PDZD2: variants seen among roughly 807,000 people sequenced by gnomAD.
PDZD2 encodes PDZ domain-containing protein 2.
A neutral mutation model predicts 220.7 loss-of-function variants in PDZD2; 90 were observed. The ratio of observed to expected loss-of-function variants is 0.41; its 90% CI spans 0.34 to 0.49. The LOEUF is 0.49. Ranked by LOEUF, PDZD2 falls within the 20% of genes least tolerant of loss-of-function variation. The probability of loss-of-function intolerance (pLI) is 0.28; values close to 1 mark genes in which losing one functional copy is unlikely to be tolerated. For missense variants in PDZD2, 3,174 were observed against 3,608.5 expected (o/e 0.88, Z 3.08); for synonymous variants, 1,375 against 1,450.5 (o/e 0.95, Z 1.18).
chr5:31,804,201 G>A (rs988214246), intron 2 of PDZD2, among the ~76,000 whole-genome samples: 3 of 152,144 alleles, frequency 2.0e-5, no homozygotes, highest in Non-Finnish European at 4.4e-5. Context: ...TGTGCTAGAC[G>A]ATGAAAAGCC....
At position 32,097,249 on chromosome 5, in the gene PDZD2, CAA is replaced by C. The variant is rs763170916; in HGVS notation, c.7846-28_7846-27del. 4.2e-6 allele frequency: 6 copies of C among 1,432,502 alleles called. No individual in the cohort carries two copies. The East Asian group carries it at 1.4e-4, about 33-fold the overall frequency. The allele number at this position is 1,432,502 out of a possible 1,614,324, so 88.7% of individuals were successfully genotyped here. On this transcript the variant is annotated intron_variant, in intron 21 of 24. Transcript: ENST00000438447. ...TTCTTAATTTTTTGCAGCTGTAGCTCAAAGGATAATTTTTGTTTGTTTTCACT... is the reference window on the plus strand; with the variant it reads ...TTCTTAATTTTTTGCAGCTGTAGCTCAGGATAATTTTTGTTTGTTTTCACT...
intron 8 of PDZD2, 81 bp downstream of exon 8, chr5:32,048,765 AGTGTCTGG>A (rs1738230455): frequency 7.1e-7 from 1 of 1,410,494 alleles, no homozygotes; most frequent in Non-Finnish European, 9.9e-7. Flanking sequence ...ACAGGCCAGG[AGTGTCTGG>A]GGCTAGAGAA....
intron 1 of PDZD2, among the ~76,000 whole-genome samples, chr5:31,774,968 C>A (rs1481726881): frequency 6.6e-6 from 1 of 152,164 alleles, no homozygotes; most frequent in African/African-American, 2.4e-5. Flanking sequence ...TGTAAACACT[C>A]CCACCATGGC....
At chr5:31,910,800 G>A (rs1743132683) in intron 2 of PDZD2, among the ~76,000 whole-genome samples, 1 of 152,070 alleles carries the variant, frequency 6.6e-6, no homozygotes, top group African/African-American at 2.4e-5. Flanking sequence ...AAAGTGCCGG[G>A]ATTACAGGCA....
At chr5:31,922,567 T>C (rs955891907) in intron 2 of PDZD2, among the ~76,000 whole-genome samples, 4 of 152,156 alleles carry the variant, frequency 2.6e-5, no homozygotes, top group African/African-American at 9.7e-5. Flanking sequence ...CTGTTAAGCT[T>C]ATGGAAGAGC....
In PDZD2 at chr5:32,090,065, C is replaced by G. The variant is rs778216663; in HGVS notation, c.6617C>G (p.Pro2206Arg). 6.2e-7 allele frequency: 1 copy of G among 1,613,536 alleles called. No individual in the cohort carries two copies. The highest frequency in any genetic ancestry group is 8.5e-7 in the Non-Finnish European group (1 of 1,179,928). Residue 2206 changes from proline (P) to arginine (R), a missense_variant, in exon 20 of 25, where the codon CCC (proline) becomes CGC (arginine). Coordinates refer to ENST00000438447, the MANE Select transcript of PDZD2 (RefSeq NM_178140.4). This position sits in a 1 kb window ranked among gnomAD's most constrained non-coding sequence, Gnocchi z 4.3. ...CCCAGAAACAGCATTCCAGGGGGCC[C>G]CTCGGGGGAGGACCATCTCTACTTC... ...GVPRNSIPGG[P>R]SGEDHLYFTP...
chr5:32,067,508 G>A (rs932842822), intron 14 of PDZD2, among the ~76,000 whole-genome samples: 11 of 151,990 alleles, frequency 7.2e-5, no homozygotes, highest in East Asian at 1.9e-4. Flanking sequence ...GAAGCCTACC[G>A]TAAAGCATTA....
chr5:31,866,902 A>G (rs1286102802), intron 2 of PDZD2, among the ~76,000 whole-genome samples: 1 of 152,192 alleles, frequency 6.6e-6, no homozygotes, highest in African/African-American at 2.4e-5. Context: ...AAGGAACTGA[A>G]ATAATAGAAT....
chr5:32,073,737 G>A lies in PDZD2; in HGVS notation c.2726-95G>A. ...CTGTGTGTCTGGTGTTAGTGAATGT[G>A]GAAATGCTTATGTGTAATGATGGGG... On this transcript the variant is annotated intron_variant, in intron 17 of 24. Coordinates refer to ENST00000438447, the MANE Select transcript of PDZD2 (RefSeq NM_178140.4). The A allele has an allele frequency of 3.8e-6, 3 of 795,906 alleles. No individual in the cohort carries two copies. In the East Asian group the frequency reaches 7.3e-5, roughly 19 times the overall value. The allele number at this position is 795,906 out of a possible 1,614,324, so 49.3% of individuals were successfully genotyped here.
chr5:31,768,421 T>C (rs1183022251), intron 1 of PDZD2, among the ~76,000 whole-genome samples: 1 of 151,890 alleles, frequency 6.6e-6, no homozygotes, highest in Non-Finnish European at 1.5e-5. Flanking sequence ...GGTGGGTGGA[T>C]CACAAGGTCA....
At chr5:31,678,905 C>T (rs67936133) in intron 1 of PDZD2, among the ~76,000 whole-genome samples, 28,751 of 152,052 alleles carry the variant, frequency 0.19, 2,839 homozygotes, top group Middle Eastern at 0.22. Flanking sequence ...CCATGCCCAG[C>T]CTATATTTCT....
chr5:32,096,041 C>T (rs763271943), intron 21 of PDZD2, among the ~76,000 whole-genome samples: 2 of 151,904 alleles, frequency 1.3e-5, no homozygotes, highest in African/African-American at 2.4e-5. Flanking sequence ...CCGCACCCGG[C>T]GTAGGAGGCC....
At chr5:31,767,437 T>C (rs1752093533) in intron 1 of PDZD2, among the ~76,000 whole-genome samples, 1 of 152,238 alleles carries the variant, frequency 6.6e-6, no homozygotes, top group African/African-American at 2.4e-5. Context: ...TGTCTGCCAA[T>C]GGTCACCCGT....
intron 2 of PDZD2, among the ~76,000 whole-genome samples, chr5:31,810,438 ATAT>A (rs1755034944): frequency 1.3e-5 from 2 of 151,910 alleles, no homozygotes; most frequent in Non-Finnish European, 2.9e-5. Context: ...AAATTTTTGT[ATAT>A]TTTTTAGTAG....
chr5:31,861,897 A>G (rs6450868), intron 2 of PDZD2, among the ~76,000 whole-genome samples: 79,033 of 151,844 alleles, frequency 0.52, 20,802 homozygotes, highest in Non-Finnish European at 0.56. Context: ...TGACTCAAGT[A>G]GCAATGATGT....
Position 32,037,230 on chromosome 5 carries a change from G to C in PDZD2, c.1408-1G>C. The C allele has an allele frequency of 1.2e-6, 2 of 1,606,584 alleles. No individual in the cohort carries two copies. Among genetic ancestry groups the C allele is most frequent in the Non-Finnish European group, 1.7e-6 (2 of 1,173,086 alleles). ...TCAGCTCTGTGCTTTCTGCATTTCA[G>C]ATGCCTGGGACAGATGAACCCCAAG... On this transcript the variant is annotated splice_acceptor_variant, in intron 6 of 24. Coordinates refer to ENST00000438447, the MANE Select transcript of PDZD2 (RefSeq NM_178140.4). LOFTEE classifies it high-confidence loss of function.
intron 1 of PDZD2, among the ~76,000 whole-genome samples, chr5:31,790,839 C>T (rs1182300296): frequency 6.6e-6 from 1 of 151,576 alleles, no homozygotes; most frequent in African/African-American, 2.4e-5. Context: ...GCTGGGATTA[C>T]AGGCACCCAC....
intron 1 of PDZD2, among the ~76,000 whole-genome samples, chr5:31,765,645 G>A (rs1208963903): frequency 6.6e-6 from 1 of 152,146 alleles, no homozygotes; most frequent in East Asian, 1.9e-4. Flanking sequence ...CAAACTAGCA[G>A]AGGCGCATCC....
chr5:31,709,748 G>A (rs1246811735), intron 1 of PDZD2, among the ~76,000 whole-genome samples: 6 of 152,178 alleles, frequency 3.9e-5, no homozygotes, highest in Non-Finnish European at 5.9e-5. Flanking sequence ...CTGAGGCCAG[G>A]AGTTCAAGAC....
Sources: gnomAD v4.1 joint callset for allele counts (sites outside exome capture counted in the v4.1 genomes callset) on GRCh38, gnomAD v4.1.1 for gene constraint, Gnocchi (gnomAD v3.1) non-coding constraint, MANE v1.5 for transcripts, NCBI Gene and HGNC (gene_info 2026-07-23, HGNC 2026-07-21) for gene names.